The following RUNX1T1 variants were observed in gnomAD, a reference collection of about 807,000 sequenced individuals.
The protein encoded by RUNX1T1 is RUNX1 partner transcriptional co-repressor 1.
A neutral mutation model predicts 62.8 loss-of-function variants in RUNX1T1; 4 were observed. The observed-to-expected ratio is 0.06, with a 90% confidence interval of 0.03 to 0.15. The LOEUF (loss-of-function observed/expected upper bound fraction) is 0.15. Ranked by LOEUF, RUNX1T1 falls within the 10% of genes least tolerant of loss-of-function variation. The pLI is 1.00. For missense variants in RUNX1T1, 508 were observed against 754.3 expected (o/e 0.67, Z 3.82); for synonymous variants, 291 against 286.0 (o/e 1.02, Z -0.18).
intron 1 of RUNX1T1, among the ~76,000 whole-genome samples, chr8:92,034,602 A>G (rs985619186): frequency 2.6e-5 from 4 of 152,016 alleles, no homozygotes; most frequent in Non-Finnish European, 5.9e-5. Flanking sequence ...AGCACTATTC[A>G]CAACAGCAAC....
chr8:91,984,676 C>T lies in RUNX1T1; in HGVS notation c.1198+1448G>A, dbSNP rs560203284. Among the ~76,000 whole-genome samples the T allele has an allele frequency of 7.9e-5, 12 of 152,182 alleles. 1 individual carries two copies. The South Asian group carries it at 8.3e-4, about 11-fold the overall frequency. ...GCTCTCAATTTTTGCCTAGACTGGA[C>T]GGTTATAAATATCCCCTCTGTCCTA... On this transcript the variant is annotated intron_variant, in intron 8 of 10. Transcript: ENST00000396218.
At chr8:92,096,768 T>C (rs1182448945) in intron 1 of RUNX1T1, among the ~76,000 whole-genome samples, 2 of 151,648 alleles carry the variant, frequency 1.3e-5, no homozygotes, top group African/African-American at 4.8e-5. Flanking sequence ...GGGGTCTCCC[T>C]AGAAAGGAAT....
At chr8:91,983,388 T>G (rs1458109473) in intron 8 of RUNX1T1, among the ~76,000 whole-genome samples, 1 of 152,170 alleles carries the variant, frequency 6.6e-6, no homozygotes, top group African/African-American at 2.4e-5. Context: ...TTCTCCCCTG[T>G]GCAGTCCCCA....
At chr8:92,012,698 A>C (rs1278265515) in intron 3 of RUNX1T1, among the ~76,000 whole-genome samples, 1 of 151,618 alleles carries the variant, frequency 6.6e-6, no homozygotes, top group Non-Finnish European at 1.5e-5. Context: ...ATTTTACTTA[A>C]CCTCTATAAC....
At chr8:92,031,335 C>T (rs1826186678) in intron 1 of RUNX1T1, among the ~76,000 whole-genome samples, 1 of 152,106 alleles carries the variant, frequency 6.6e-6, no homozygotes, top group Non-Finnish European at 1.5e-5. Flanking sequence ...TCATTACAAA[C>T]AAAATACCAG....
intron 2 of RUNX1T1, among the ~76,000 whole-genome samples, chr8:92,074,873 A>G (rs945623206): frequency 6.6e-6 from 1 of 152,230 alleles, no homozygotes; most frequent in Non-Finnish European, 1.5e-5. Flanking sequence ...GAAGGGAAAT[A>G]CAGACACAGA....
At chr8:92,089,744 G>A (rs564182950) in intron 1 of RUNX1T1, among the ~76,000 whole-genome samples, 1 of 151,858 alleles carries the variant, frequency 6.6e-6, no homozygotes, top group Admixed American at 6.6e-5. Context: ...AAAAGGAATC[G>A]TAAAAACAAA....
chr8:91,993,474 C>A (rs534395869), intron 5 of RUNX1T1, among the ~76,000 whole-genome samples: 1 of 151,750 alleles, frequency 6.6e-6, no homozygotes, highest in East Asian at 1.9e-4. Flanking sequence ...TATTATGGAG[C>A]GGGCAGGGGA....
chr8:92,042,875 T>C (rs1389300069), intron 1 of RUNX1T1, among the ~76,000 whole-genome samples: 3 of 152,332 alleles, frequency 2.0e-5, no homozygotes, highest in South Asian at 2.1e-4. Flanking sequence ...CTATGTGCCA[T>C]TTCATTATTT....
chr8:91,993,594 G>A (rs1410664929), intron 5 of RUNX1T1, among the ~76,000 whole-genome samples: 1 of 152,014 alleles, frequency 6.6e-6, no homozygotes, highest in Non-Finnish European at 1.5e-5. Context: ...CAAATTAAGA[G>A]GCAATCTAAT....
intron 1 of RUNX1T1, among the ~76,000 whole-genome samples, chr8:92,086,169 G>T (rs1470509566): frequency 6.6e-6 from 1 of 152,170 alleles, no homozygotes; most frequent in Non-Finnish European, 1.5e-5. Context: ...CAAGTCTGAG[G>T]CCTGCTGGTT....
intron 1 of RUNX1T1, among the ~76,000 whole-genome samples, chr8:92,043,745 G>C (rs1828884573): frequency 6.6e-6 from 1 of 152,002 alleles, no homozygotes; most frequent in Non-Finnish European, 1.5e-5. Context: ...GGTAGGCTGA[G>C]GCGGATGGAT....
At chr8:92,014,184 T>G (rs1822533263) in intron 3 of RUNX1T1, among the ~76,000 whole-genome samples, 1 of 152,104 alleles carries the variant, frequency 6.6e-6, no homozygotes, top group Non-Finnish European at 1.5e-5. Context: ...CCAATTAGAT[T>G]GAGTGACTCA....
chr8:92,000,345 A>G (rs1435174713), intron 5 of RUNX1T1, among the ~76,000 whole-genome samples: 2 of 152,092 alleles, frequency 1.3e-5, no homozygotes, highest in East Asian at 3.9e-4. Context: ...ATTTTGTGCT[A>G]TTTCACTGAA....
chr8:92,089,583 CCT>C (rs1263379491), intron 1 of RUNX1T1, among the ~76,000 whole-genome samples: 1 of 152,028 alleles, frequency 6.6e-6, no homozygotes, highest in African/African-American at 2.4e-5. Flanking sequence ...GCCCCTAGCC[CCT>C]CACTCCCACC....
chr8:92,017,622 C>G, intron 1 of RUNX1T1: 1 of 1,343,450 alleles, frequency 7.4e-7, no homozygotes, highest in Non-Finnish European at 9.6e-7. Flanking sequence ...GCAGATGCTA[C>G]CTTGGTAGTG....
At position 92,002,820 on chromosome 8, in the gene RUNX1T1, A is replaced by C. The variant is rs534617979; in HGVS notation, c.659+2296T>G. ...CTGTCAGACAGCTCCATACTCTATA[A>C]AATTTCATATAGTAGATCTGGATAT... On this transcript the variant is annotated intron_variant, in intron 5 of 10. Coordinates refer to ENST00000396218, the Ensembl canonical transcript of RUNX1T1. 9.8e-5 allele frequency among the ~76,000 whole-genome samples: 15 copies of C among 152,310 alleles called. 1 individual carries two copies. The South Asian group carries it at 3.1e-3, about 32-fold the overall frequency.
At chr8:92,095,327 C>A in intron 1 of RUNX1T1, 1 of 1,532,352 alleles carries the variant, frequency 6.5e-7, no homozygotes, top group Non-Finnish European at 8.7e-7. Context: ...TCGCCTCCCT[C>A]CCCTGTTCAC....
At chr8:92,062,915 CAAAAAGT>C (rs1832306565) in exon 1 of RUNX1T1, 1 of 1,308,022 alleles carries the variant, frequency 7.6e-7, no homozygotes, top group African/African-American at 1.5e-5. Context: ...CACCAAAAAG[CAAAAAGT>C]GAAATTCAGA....
Sources: allele counts gnomAD v4.1 joint callset (sites outside exome capture counted in the v4.1 genomes callset), GRCh38; gene constraint gnomAD v4.1.1; transcripts MANE v1.5; gene names NCBI Gene and HGNC (gene_info 2026-07-23, HGNC 2026-07-21).